PAG1: variants seen among roughly 807,000 people sequenced by gnomAD.
PAG1 encodes the protein phosphoprotein associated with glycosphingolipid-enriched microdomains 1.
In PAG1, 23 loss-of-function variants were observed where a neutral mutation model predicts 31.7. The observed-to-expected ratio is 0.73, with a 90% confidence interval of 0.52 to 1.03. The LOEUF is 1.03. PAG1 is among the 50% of genes least tolerant of loss of function. PAG1 has a pLI of 0.00. For synonymous variants in PAG1, 214 were observed against 210.3 expected, an observed-to-expected ratio of 1.02 and a Z score of -0.15; for missense variants, 473 against 540.7, an observed-to-expected ratio of 0.87 and a Z score of 1.24.
intron 1 of PAG1, among the ~76,000 whole-genome samples, chr8:81,086,678 A>C (rs1163685315): frequency 6.6e-6 from 1 of 152,210 alleles, no homozygotes. Context: ...ACAAACAAAT[A>C]TCTCTCATGA....
chr8:81,058,354 A>T (rs1808862023), intron 2 of PAG1, among the ~76,000 whole-genome samples: 1 of 152,206 alleles, frequency 6.6e-6, no homozygotes, highest in African/African-American at 2.4e-5. Flanking sequence ...AAAACAAATT[A>T]AAAAATGCCA....
At chr8:81,013,796 T>C (rs1808025408) in intron 3 of PAG1, among the ~76,000 whole-genome samples, 1 of 152,076 alleles carries the variant, frequency 6.6e-6, no homozygotes, top group Non-Finnish European at 1.5e-5. Context: ...GCCAGGCTGG[T>C]CTCAAACTCC....
At chr8:81,094,633 T>G (rs1809497945) in intron 1 of PAG1, among the ~76,000 whole-genome samples, 1 of 152,110 alleles carries the variant, frequency 6.6e-6, no homozygotes, top group Non-Finnish European at 1.5e-5. Flanking sequence ...ATATATATTT[T>G]CCCCTAGAAC....
At chr8:81,059,790 C>T (rs1002266253) in intron 2 of PAG1, among the ~76,000 whole-genome samples, 2 of 151,974 alleles carry the variant, frequency 1.3e-5, no homozygotes, top group East Asian at 1.9e-4. Flanking sequence ...CTTTGGGAGG[C>T]CAATTACTTA....
chr8:80,983,489 C>T (rs1807349569), intron 7 of PAG1, among the ~76,000 whole-genome samples: 1 of 152,160 alleles, frequency 6.6e-6, no homozygotes, highest in Non-Finnish European at 1.5e-5. Flanking sequence ...ACAGCAGGTG[C>T]TTATTAAGAT....
chr8:81,081,240 C>A (rs1379541907), intron 1 of PAG1, among the ~76,000 whole-genome samples: 1 of 151,780 alleles, frequency 6.6e-6, no homozygotes, highest in Non-Finnish European at 1.5e-5. Context: ...TTAGAAGAGG[C>A]AACTTCGTAC....
At chr8:81,045,820 T>C (rs143700791) in intron 2 of PAG1, among the ~76,000 whole-genome samples, 1 of 152,250 alleles carries the variant, frequency 6.6e-6, no homozygotes, top group Non-Finnish European at 1.5e-5. Flanking sequence ...CAAAATAAAA[T>C]AGACCTTCTG....
chr8:80,985,562 G>C (rs1485693670), intron 6 of PAG1, among the ~76,000 whole-genome samples, 185 bp from the exon 7 acceptor site: 5 of 152,164 alleles, frequency 3.3e-5, no homozygotes, highest in Non-Finnish European at 4.4e-5. Context: ...AAATAAAGCT[G>C]TTCATTATAT....
At chr8:81,017,572 C>G in intron 3 of PAG1, among the ~76,000 whole-genome samples, 1 of 152,326 alleles carries the variant, frequency 6.6e-6, no homozygotes, top group East Asian at 1.9e-4. Context: ...GCAAGCAACA[C>G]GTGCTTTCTG....
intron 1 of PAG1, among the ~76,000 whole-genome samples, chr8:81,088,886 A>G (rs16908559): frequency 0.059 from 9,029 of 152,326 alleles, 913 homozygotes; most frequent in African/African-American, 0.21. Context: ...AAATCAGCAA[A>G]GGACAGTTTC....
At chr8:81,071,870 G>A (rs1809099452) in intron 1 of PAG1, among the ~76,000 whole-genome samples, 1 of 152,186 alleles carries the variant, frequency 6.6e-6, no homozygotes, top group African/African-American at 2.4e-5. Context: ...CAGCCCTTGT[G>A]ACAAAACCCA....
At chr8:81,081,212 T>TA (rs1050883786) in intron 1 of PAG1, among the ~76,000 whole-genome samples, 107 of 145,536 alleles carry the variant, frequency 7.4e-4, no homozygotes, top group East Asian at 2.2e-3. Context: ...CCAAACAAAT[T>TA]AAAAAAAAAA....
intron 1 of PAG1, among the ~76,000 whole-genome samples, chr8:81,073,540 C>T (rs769157557): frequency 6.6e-6 from 1 of 152,180 alleles, no homozygotes; most frequent in Non-Finnish European, 1.5e-5. Context: ...CCGGGAGTGG[C>T]TTTTTAAATA....
intron 1 of PAG1, among the ~76,000 whole-genome samples, chr8:81,100,059 A>G (rs533745690): frequency 1.5e-3 from 234 of 152,372 alleles, no homozygotes; most frequent in Non-Finnish European, 1.9e-3. Flanking sequence ...CAAATGACTG[A>G]TATTACATTT....
At chr8:81,011,653 A>G (rs1297219338) in intron 3 of PAG1, among the ~76,000 whole-genome samples, 1 of 152,218 alleles carries the variant, frequency 6.6e-6, no homozygotes, top group Non-Finnish European at 1.5e-5. Context: ...TACCAAATAC[A>G]ATCCTGTATT....
intron 2 of PAG1, among the ~76,000 whole-genome samples, chr8:81,046,253 A>AATG (rs1808639560): frequency 6.6e-6 from 1 of 152,220 alleles, no homozygotes; most frequent in South Asian, 2.1e-4. Flanking sequence ...CAGGCAAAAG[A>AATG]ATGCATCTCT....
At chr8:81,099,162 C>T (rs985099271) in intron 1 of PAG1, among the ~76,000 whole-genome samples, 2 of 152,150 alleles carry the variant, frequency 1.3e-5, no homozygotes, top group African/African-American at 4.8e-5. Context: ...ACTGTATTAC[C>T]TTTCTAAAAG....
At chr8:80,994,832 T>C (rs185909802) in intron 3 of PAG1, among the ~76,000 whole-genome samples, 5 of 152,356 alleles carry the variant, frequency 3.3e-5, no homozygotes, top group Admixed American at 3.3e-4. Context: ...TTCTAGAACA[T>C]TCTAAATGAA....
At chr8:81,061,327 T>G (rs1295875529) in intron 2 of PAG1, among the ~76,000 whole-genome samples, 1 of 152,204 alleles carries the variant, frequency 6.6e-6, no homozygotes, top group Non-Finnish European at 1.5e-5. Flanking sequence ...AAGACTTAAA[T>G]GTCTACACAT....
Sources: gnomAD v4.1 joint callset for allele counts (sites outside exome capture counted in the v4.1 genomes callset) on GRCh38, gnomAD v4.1.1 for gene constraint, MANE v1.5 for transcripts, NCBI Gene and HGNC (gene_info 2026-07-23, HGNC 2026-07-21) for gene names.